The following TRDN variants were observed in gnomAD, a reference collection of about 807,000 sequenced individuals.
The protein encoded by TRDN is triadin, also known as triadin in skeletal muscle.
A neutral mutation model predicts 149.7 loss-of-function variants in TRDN; 161 were observed. The observed-to-expected ratio is 1.08, with a 90% CI of 0.95 to 1.23. The LOEUF (loss-of-function observed/expected upper bound fraction) is 1.23, where lower values mean the gene tolerates loss of function less well. TRDN is among the 50% of genes most tolerant of loss of function. TRDN has a pLI of 0.00. For synonymous variants in TRDN, 294 were observed against 250.5 expected (o/e 1.17, Z -1.64); for missense variants, 896 against 823.5 (o/e 1.09, Z -1.08).
chr6:123,495,042 C>T (rs1039712631), intron 9 of TRDN, among the ~76,000 whole-genome samples: 4 of 151,818 alleles, frequency 2.6e-5, no homozygotes, highest in African/African-American at 9.7e-5. Flanking sequence ...CCAGATTGAA[C>T]TTTTAAATTA....
chr6:123,569,976 T>C (rs1428042703), intron 2 of TRDN, among the ~76,000 whole-genome samples: 3 of 152,238 alleles, frequency 2.0e-5, no homozygotes, highest in Admixed American at 1.3e-4. Flanking sequence ...TTATATTGTA[T>C]TTCTTCTTGA....
chr6:123,352,095 T>C, intron 21 of TRDN: 1 of 981,592 alleles, frequency 1.0e-6, no homozygotes, highest in Non-Finnish European at 1.2e-6. Flanking sequence ...ATTTTTGCTG[T>C]TATTTTCTTC....
chr6:123,398,578 T>A (rs1312438454), intron 12 of TRDN, among the ~76,000 whole-genome samples: 1 of 152,368 alleles, frequency 6.6e-6, no homozygotes, highest in South Asian at 2.1e-4. Flanking sequence ...TTTTTAGATA[T>A]AGATAGTACC....
chr6:123,406,178 C>G (rs1292940170), intron 12 of TRDN, among the ~76,000 whole-genome samples: 1 of 152,040 alleles, frequency 6.6e-6, no homozygotes, highest in Non-Finnish European at 1.5e-5. Context: ...CCAAAGAAAA[C>G]TAAAACCTAT....
Position 123,433,182 on chromosome 6 carries a change from T to TAC in TRDN, c.1051+4879_1051+4880dup, listed in dbSNP as rs1196235698. ...TATATAATATATATATATATATATATACATCACACAATGATCCAGCAATCA... is the reference window on the plus strand; with the variant it reads ...TATATAATATATATATATATATATATACACATCACACAATGATCCAGCAATCA... On this transcript the variant is annotated intron_variant, in intron 12 of 40. Coordinates refer to ENST00000334268, the MANE Select transcript of TRDN (RefSeq NM_006073.4). Among the ~76,000 whole-genome samples, 149 of 143,346 alleles carry TAC rather than the reference T, an allele frequency of 1.0e-3. 1 individual carries two copies. Among genetic ancestry groups the TAC allele is most frequent in the African/African-American group, 3.6e-3 (136 of 38,186 alleles). 94.0% of individuals were successfully genotyped at this position (143,346 alleles called of 152,430 possible). A position where few individuals can be genotyped will look rare whatever the true frequency, so the allele number is the denominator to read the frequency against.
At chr6:123,413,739 G>T (rs1773536635) in intron 12 of TRDN, among the ~76,000 whole-genome samples, 1 of 152,060 alleles carries the variant, frequency 6.6e-6, no homozygotes, top group Admixed American at 6.6e-5. Flanking sequence ...AATTTCATTG[G>T]CTTTGAAGAT....
intron 24 of TRDN, among the ~76,000 whole-genome samples, chr6:123,287,600 T>A (rs565856965): frequency 6.6e-6 from 1 of 152,118 alleles, no homozygotes; most frequent in South Asian, 2.1e-4. Flanking sequence ...TTAATTAGAG[T>A]CAGAGAGAAA....
At chr6:123,458,474 G>C (rs1381324515) in intron 10 of TRDN, among the ~76,000 whole-genome samples, 1 of 152,200 alleles carries the variant, frequency 6.6e-6, no homozygotes, top group African/African-American at 2.4e-5. Context: ...GAGGAAGGAA[G>C]TCTTCTTTCA....
intron 24 of TRDN, among the ~76,000 whole-genome samples, chr6:123,303,741 T>C (rs965004353): frequency 6.6e-6 from 1 of 152,084 alleles, no homozygotes; most frequent in Admixed American, 6.6e-5. Context: ...TGGAAATAAA[T>C]ATGTTGAGGG....
intron 27 of TRDN, among the ~76,000 whole-genome samples, chr6:123,274,050 A>T (rs1426054802): frequency 1.3e-5 from 2 of 152,070 alleles, no homozygotes; most frequent in African/African-American, 2.4e-5. Context: ...TTCAACATTG[A>T]TTAACTTGAA....
rs2114709370 is a variant in TRDN at position 123,464,982 on chromosome 6, T to G, written c.855A>C (p.Gly285=). 1 of 1,587,814 alleles carries G rather than the reference T, an allele frequency of 6.3e-7. No homozygotes were observed. The highest frequency in any genetic ancestry group is 2.3e-5 in the East Asian group (1 of 44,212). ...AGGGAGGTGGAATGGCTGGGCTTTGTCCTACACAATGTAGAAGTAGGAATT... is the reference window on the plus strand; with the variant it reads ...AGGGAGGTGGAATGGCTGGGCTTTGGCCTACACAATGTAGAAGTAGGAATT... The part of the protein sequence containing the change: ...DIFVHGDLKP[G]QSPAIPPPLP... Residue 285 remains glycine, a splice_region_variant and synonymous_variant, in exon 10 of 41, where the codon GGA becomes GGC. Transcript: ENST00000334268.
chr6:123,267,142 C>T (rs1379414032), intron 32 of TRDN, among the ~76,000 whole-genome samples: 1 of 129,290 alleles, frequency 7.7e-6, no homozygotes, highest in Non-Finnish European at 1.6e-5. Flanking sequence ...CTCTGGATAT[C>T]ATCACATATT....
In TRDN at chr6:123,538,172, C is replaced by A. The variant is rs556905587; in HGVS notation, c.425-7607G>T. The stretch of plus-strand genomic sequence containing the variant: ...CCTCTCATTATGTTTTCTCTAGATA[C>A]CTCACAAGCACCAGATAAAATAAAA... On this transcript the variant is annotated intron_variant, in intron 4 of 40. Transcript: ENST00000334268. Among the ~76,000 whole-genome samples, 268 of 152,136 alleles carry A rather than the reference C, an allele frequency of 1.8e-3. 1 individual carries two copies. The highest frequency in any genetic ancestry group is 6.0e-3 in the African/African-American group (247 of 41,494).
chr6:123,517,818 CTATT>C (rs1268049623), intron 5 of TRDN, among the ~76,000 whole-genome samples: 1 of 152,064 alleles, frequency 6.6e-6, no homozygotes, highest in Non-Finnish European at 1.5e-5. Flanking sequence ...TCTTTGATCT[CTATT>C]TATTCCATTC....
chr6:123,442,821 T>G (rs568154509), intron 10 of TRDN, among the ~76,000 whole-genome samples: 55 of 152,202 alleles, frequency 3.6e-4, no homozygotes, highest in African/African-American at 1.3e-3. Flanking sequence ...TATTTTGTAT[T>G]AAGAAACTAA....
chr6:123,406,213 C>A (rs1773183408), intron 12 of TRDN, among the ~76,000 whole-genome samples: 2 of 152,054 alleles, frequency 1.3e-5, no homozygotes, highest in African/African-American at 4.8e-5. Context: ...TTATTTTCAA[C>A]AAAAATAAAT....
intron 20 of TRDN, among the ~76,000 whole-genome samples, chr6:123,359,583 A>T (rs1191351330): frequency 6.6e-6 from 1 of 152,252 alleles, no homozygotes; most frequent in Non-Finnish European, 1.5e-5. Flanking sequence ...TTAGTATGGC[A>T]GTAATGGCTA....
rs750071332 is a variant in TRDN at position 123,619,190 on chromosome 6, T to C, written c.22+17564A>G. On this transcript the variant is annotated intron_variant, in intron 1 of 40. Coordinates refer to ENST00000334268, the MANE Select transcript of TRDN (RefSeq NM_006073.4). ...TTATCTGTAGCTGCATAATAAAAGA[T>C]TCCAAAGTTTAGTGGCCTAAAACAA... Among the ~76,000 whole-genome samples the C allele has an allele frequency of 8.5e-5, 13 of 152,262 alleles. No individual in the cohort carries two copies. The East Asian group carries it at 1.4e-3, about 16-fold the overall frequency.
At chr6:123,473,245 T>C (rs1777280004) in intron 9 of TRDN, among the ~76,000 whole-genome samples, 1 of 151,984 alleles carries the variant, frequency 6.6e-6, no homozygotes. Context: ...AGAGAAGTGC[T>C]TAAAGGAGCT....
Sources: allele counts gnomAD v4.1 joint callset (sites outside exome capture counted in the v4.1 genomes callset), GRCh38; gene constraint gnomAD v4.1.1; transcripts MANE v1.5; gene names NCBI Gene and HGNC (gene_info 2026-07-23, HGNC 2026-07-21).